Variants in LHX8 observed in about 807,000 individuals in gnomAD.
LHX8 encodes the protein LIM homeobox 8, also known as LIM/homeobox protein Lhx8.
LHX8 carries 12 observed loss-of-function variants against 40.3 expected under a neutral mutation model. The observed-to-expected ratio is 0.30, with a 90% CI of 0.19 to 0.48. The LOEUF (loss-of-function observed/expected upper bound fraction) is 0.48. Ranked by LOEUF, LHX8 falls within the 20% of genes least tolerant of loss-of-function variation. The pLI is 0.99. For synonymous variants in LHX8, 179 were observed against 162.0 expected (o/e 1.10, Z -0.80); for missense variants, 344 against 433.7 (o/e 0.79, Z 1.84).
upstream of LHX8, chr1:75,130,097 T>G (rs1647924229): frequency 6.4e-6 from 1 of 155,334 alleles, no homozygotes; most frequent in Admixed American, 6.2e-5. Context: ...CTTGGAAATG[T>G]CACAATGAAT....
chr1:75,189,906 A>T, the LHX8 span, among the ~76,000 whole-genome samples: 1 of 152,228 alleles, frequency 6.6e-6, no homozygotes, highest in African/African-American at 2.4e-5. Context: ...CCATTTAATC[A>T]ACTGTTCAAT....
At chr1:75,148,518 T>C in intron 6 of LHX8, 69 bp from the exon 7 acceptor site, 1 of 1,080,574 alleles carries the variant, frequency 9.3e-7, no homozygotes, top group South Asian at 1.3e-5. Flanking sequence ...CCTCTTATGA[T>C]AAAAATGCAG....
chr1:75,148,581 C>T lies in LHX8; in HGVS notation c.685-6C>T. 6.2e-7 allele frequency: 1 copy of T among 1,607,876 alleles called. No individual in the cohort carries two copies. Among genetic ancestry groups the T allele is most frequent in the Non-Finnish European group, 8.5e-7 (1 of 1,174,516 alleles). On this transcript the variant is annotated splice_region_variant and splice_polypyrimidine_tract_variant and intron_variant, in intron 6 of 8. Transcript: ENST00000356261. ...CTATTTACTACATACATGTTTTAAA[C>T]AACAGGTTATGCAAGCACAATTTGC... is the stretch of plus-strand genomic sequence containing the variant.
chr1:75,139,805 T>G (rs1239229194), intron 3 of LHX8, among the ~76,000 whole-genome samples: 1 of 152,190 alleles, frequency 6.6e-6, no homozygotes, highest in African/African-American at 2.4e-5. Flanking sequence ...AACTTTCAGC[T>G]TCGAAGTACC....
downstream of LHX8, among the ~76,000 whole-genome samples, chr1:75,163,906 G>A (rs1033683492): frequency 6.6e-6 from 1 of 152,128 alleles, no homozygotes; most frequent in Non-Finnish European, 1.5e-5. Context: ...TGCCCCTTTG[G>A]CCTTCAGCCA....
In LHX8 at chr1:75,143,197, T is replaced by A; in HGVS notation, c.439T>A (p.Tyr147Asn). The A allele has an allele frequency of 6.2e-7, 1 of 1,613,890 alleles. No individual in the cohort carries two copies. Residue 147 changes from tyrosine (Y) to asparagine (N), a missense_variant, in exon 5 of 9, where the codon TAT becomes AAT. Physicochemically the swap from Tyr to Asn is moderately radical, Grantham distance 143. This residue lies in a region of LHX8 where 147 missense variants were observed against 250.8 expected (regional missense o/e 0.59). Coordinates refer to ENST00000356261, the MANE Select transcript of LHX8 (RefSeq NM_001256114.2). ...GGTCCGGAGAGCCAAGGGGAATGTC[T>A]ATCACTTGGCATGCTTTGCCTGCTT... ...DWVRRAKGNV[Y>N]HLACFACFSC...
the LHX8 span, among the ~76,000 whole-genome samples, chr1:75,181,385 C>T: frequency 6.6e-6 from 1 of 152,196 alleles, no homozygotes; most frequent in Admixed American, 6.5e-5. Context: ...AGCTTCCTGG[C>T]TGCTTTGTTT....
chr1:75,154,530 T>C (rs1440174053), intron 7 of LHX8, among the ~76,000 whole-genome samples: 1 of 152,128 alleles, frequency 6.6e-6, no homozygotes, highest in African/African-American at 2.4e-5. Flanking sequence ...TTAGGTTATA[T>C]GTAGTCCTCT....
At chr1:75,136,399 G>A (rs1181374695) in intron 1 of LHX8, among the ~76,000 whole-genome samples, 1 of 151,706 alleles carries the variant, frequency 6.6e-6, no homozygotes, top group African/African-American at 2.4e-5. Context: ...CCAGCGCTCG[G>A]GTGGCGGCCG....
downstream of LHX8, among the ~76,000 whole-genome samples, chr1:75,166,007 T>C (rs1020974719): frequency 3.9e-5 from 6 of 152,122 alleles, no homozygotes; most frequent in Admixed American, 3.3e-4. Flanking sequence ...AAAAGTGAGA[T>C]GAATGGAAAA....
chr1:75,183,681 T>C, the LHX8 span, among the ~76,000 whole-genome samples: 2 of 152,028 alleles, frequency 1.3e-5, no homozygotes, highest in Non-Finnish European at 1.5e-5. Context: ...CACACTTAAG[T>C]GAACAGACCA....
chr1:75,181,311 C>T, the LHX8 span, among the ~76,000 whole-genome samples: 1 of 152,178 alleles, frequency 6.6e-6, no homozygotes, highest in African/African-American at 2.4e-5. Context: ...ATGCCCTGCC[C>T]CCAGAGGTGG....
Position 75,143,208 on chromosome 1 carries a change from A to G in LHX8, c.450A>G (p.Ala150=), listed in dbSNP as rs773244431. 1 of 1,613,880 alleles carries G rather than the reference A, an allele frequency of 6.2e-7. No homozygotes were observed. Among genetic ancestry groups the G allele is most frequent in the Non-Finnish European group, 8.5e-7 (1 of 1,179,786 alleles). The change falls in exon 5 of 9, where the codon GCA becomes GCG. Residue 150 remains alanine (A), a synonymous_variant. Coordinates refer to ENST00000356261, the MANE Select transcript of LHX8 (RefSeq NM_001256114.2). ...CCAAGGGGAATGTCTATCACTTGGC[A>G]TGCTTTGCCTGCTTTTCCTGCAAAA... ...RRAKGNVYHL[A]CFACFSCKRQ... is the part of the protein sequence containing the mutation.
chr1:75,170,396 CA>C, the LHX8 span, among the ~76,000 whole-genome samples: 1 of 152,080 alleles, frequency 6.6e-6, no homozygotes, highest in South Asian at 2.1e-4. Flanking sequence ...AAGACAAAAA[CA>C]AAAGCAAAAA....
downstream of LHX8, among the ~76,000 whole-genome samples, chr1:75,165,739 C>G (rs982331234): frequency 8.5e-5 from 13 of 152,252 alleles, no homozygotes; most frequent in South Asian, 4.1e-4. Context: ...GAATAAGACT[C>G]TATGTTTGAG....
chr1:75,167,089 A>T, the LHX8 span, among the ~76,000 whole-genome samples: 1 of 152,154 alleles, frequency 6.6e-6, no homozygotes, highest in Non-Finnish European at 1.5e-5. Context: ...GCATTAGTTT[A>T]TTCTGCTCTG....
chr1:75,189,024 C>T, the LHX8 span, among the ~76,000 whole-genome samples: 1 of 152,304 alleles, frequency 6.6e-6, no homozygotes, highest in South Asian at 2.1e-4. Flanking sequence ...ACCAAGTAAC[C>T]ATTCTTGACA....
At chr1:75,189,594 T>A in the LHX8 span, among the ~76,000 whole-genome samples, 2 of 152,324 alleles carry the variant, frequency 1.3e-5, no homozygotes, top group Middle Eastern at 3.4e-3. Flanking sequence ...AACAGTTAAA[T>A]GTTTTCTAAG....
chr1:75,138,083 T>C (rs1468715011), intron 3 of LHX8, among the ~76,000 whole-genome samples: 1 of 152,196 alleles, frequency 6.6e-6, no homozygotes, highest in Non-Finnish European at 1.5e-5. Flanking sequence ...TCTTAAAATA[T>C]TGTGGGGGAA....
Sources: gnomAD v4.1 joint callset for allele counts (sites outside exome capture counted in the v4.1 genomes callset) on GRCh38, gnomAD v4.1.1 for gene constraint, gnomAD v4.1.1 regional missense constraint, MANE v1.5 for transcripts, NCBI Gene and HGNC (gene_info 2026-07-23, HGNC 2026-07-21) for gene names.